UNC13B: variants seen among roughly 807,000 people sequenced by gnomAD.
The protein encoded by UNC13B is protein unc-13 homolog B.
In UNC13B, 144 loss-of-function variants were observed where a neutral mutation model predicts 211.0. The ratio of observed to expected loss-of-function variants is 0.68; its 90% confidence interval spans 0.60 to 0.78. UNC13B has a LOEUF of 0.78. Ranked by LOEUF, UNC13B falls within the 30% of genes least tolerant of loss-of-function variation. UNC13B has a pLI of 0.00. For synonymous variants in UNC13B, 709 were observed against 725.8 expected (o/e 0.98, Z 0.37); for missense variants, 1,777 against 2,002.0 (o/e 0.89, Z 2.14).
At chr9:35,377,895 A>G (rs1051356910) in intron 16 of UNC13B, among the ~76,000 whole-genome samples, 200 bp downstream of exon 16, 2 of 152,144 alleles carry the variant, frequency 1.3e-5, no homozygotes, top group Non-Finnish European at 2.9e-5. Flanking sequence ...TCTGCAAACA[A>G]CATGAACCAT....
chr9:35,292,248 T>C (rs979959429), intron 7 of UNC13B, among the ~76,000 whole-genome samples: 1 of 152,314 alleles, frequency 6.6e-6, no homozygotes, highest in Non-Finnish European at 1.5e-5. Context: ...TTTCACTGGA[T>C]TTTGTTTGAG....
At chr9:35,347,850 T>C (rs946754993) in intron 11 of UNC13B, among the ~76,000 whole-genome samples, 4 of 152,172 alleles carry the variant, frequency 2.6e-5, no homozygotes, top group Admixed American at 1.3e-4. Flanking sequence ...CCAGTGGCTA[T>C]GCCATTTGCC....
intron 1 of UNC13B, among the ~76,000 whole-genome samples, chr9:35,226,315 G>A (rs1824837599): frequency 1.3e-5 from 2 of 152,144 alleles, no homozygotes; most frequent in Admixed American, 1.3e-4. Flanking sequence ...GAAAGAACCT[G>A]TATTAGTCAA....
chr9:35,291,733 A>G (rs1260277221), intron 7 of UNC13B, among the ~76,000 whole-genome samples: 1 of 152,152 alleles, frequency 6.6e-6, no homozygotes, highest in East Asian at 1.9e-4. Context: ...ATGTAGCCCT[A>G]GGCTGACATT....
Position 35,318,549 on chromosome 9 carries a change from C to T in UNC13B, c.9414+4560C>T, listed in dbSNP as rs1489942969. Among the ~76,000 whole-genome samples, 3 of 152,296 alleles carry T rather than the reference C, an allele frequency of 2.0e-5. No homozygotes were observed. In the East Asian group the frequency reaches 5.8e-4, roughly 29 times the overall value. On this transcript the variant is annotated intron_variant, in intron 11 of 39. Coordinates refer to ENST00000635942, the MANE Select transcript of UNC13B (RefSeq NM_001371189.2). ...TTTATACAAAAGATGGTATATTATA[C>T]ATACCAAGCATTTCTTGATTTTGTA... is the stretch of plus-strand genomic sequence containing the variant.
In UNC13B at chr9:35,404,047, C is replaced by T. The variant is rs763797244; in HGVS notation, c.*14C>T. 7 of 1,605,492 alleles carry T rather than the reference C, an allele frequency of 4.4e-6. No homozygotes were observed. The Admixed American group carries it at 1.2e-4, about 27-fold the overall frequency. The stretch of plus-strand genomic sequence containing the variant: ...GAGGGGAGCTGAACACCTTCGACTC[C>T]TGTGCCAATCAGGCAGCAGCAATTT... On this transcript the variant is annotated 3_prime_UTR_variant, in exon 40 of 40. Coordinates refer to ENST00000635942, the MANE Select transcript of UNC13B (RefSeq NM_001371189.2).
At chr9:35,349,885 T>C (rs996743577) in intron 11 of UNC13B, among the ~76,000 whole-genome samples, 3 of 152,328 alleles carry the variant, frequency 2.0e-5, no homozygotes, top group Admixed American at 6.5e-5. Context: ...ATGAGAGCAG[T>C]CTGCCTGTGT....
chr9:35,354,320 G>T (rs947362196), intron 11 of UNC13B, among the ~76,000 whole-genome samples: 4 of 152,276 alleles, frequency 2.6e-5, no homozygotes, highest in African/African-American at 9.6e-5. Flanking sequence ...AGCTGATGGG[G>T]CTTCTCTCAT....
At chr9:35,232,176 G>GTTTTTTTTTTTTT (rs1564081816) in intron 3 of UNC13B, among the ~76,000 whole-genome samples, 1 of 16,974 alleles carries the variant, frequency 5.9e-5, no homozygotes. Flanking sequence ...GTATATTGCT[G>GTTTTTTTTTTTTT]CTTTTTTTTT....
At chr9:35,400,472 C>T (rs1327207764) in intron 37 of UNC13B, 29 bp downstream of exon 37, 2 of 1,603,258 alleles carry the variant, frequency 1.2e-6, no homozygotes, top group Admixed American at 1.7e-5. Context: ...TGGGTATCCA[C>T]CTCTCCTCTC....
intron 12 of UNC13B, among the ~76,000 whole-genome samples, chr9:35,367,684 T>C (rs956103064): frequency 8.5e-5 from 13 of 152,216 alleles, no homozygotes; most frequent in Admixed American, 6.5e-5. Context: ...AGTCATCTAC[T>C]TATTCCATTC....
intron 11 of UNC13B, among the ~76,000 whole-genome samples, chr9:35,337,714 G>A (rs538363072): frequency 6.6e-6 from 1 of 152,220 alleles, no homozygotes; most frequent in Non-Finnish European, 1.5e-5. Flanking sequence ...TTCATTGAAT[G>A]TGAAGACACT....
chr9:35,210,186 G>A (rs80279878), intron 1 of UNC13B, among the ~76,000 whole-genome samples: 4,433 of 152,130 alleles, frequency 0.029, 88 homozygotes, highest in Middle Eastern at 0.051. Context: ...TATTTTGAGC[G>A]ATTGATTTCT....
intron 1 of UNC13B, among the ~76,000 whole-genome samples, chr9:35,172,366 T>C (rs1451267994): frequency 6.6e-6 from 1 of 152,198 alleles, no homozygotes; most frequent in Non-Finnish European, 1.5e-5. Flanking sequence ...ACAATAGATT[T>C]TCATTAACTG....
chr9:35,281,006 T>C (rs1426375717), intron 7 of UNC13B, among the ~76,000 whole-genome samples: 2 of 152,094 alleles, frequency 1.3e-5, no homozygotes, highest in Admixed American at 6.5e-5. Context: ...ATAGGTTTCA[T>C]TGGGAGGCTG....
At chr9:35,205,472 A>G (rs1177339993) in intron 1 of UNC13B, among the ~76,000 whole-genome samples, 2 of 152,226 alleles carry the variant, frequency 1.3e-5, no homozygotes, top group Non-Finnish European at 2.9e-5. Context: ...TGTCACCACA[A>G]TAAATTTTAG....
intron 5 of UNC13B, among the ~76,000 whole-genome samples, chr9:35,239,401 G>A (rs1825688592): frequency 6.6e-6 from 1 of 152,180 alleles, no homozygotes; most frequent in Admixed American, 6.5e-5. Flanking sequence ...AGAGGAGGGA[G>A]TGTACGAATA....
At position 35,399,424 on chromosome 9, in the gene UNC13B, G is replaced by A. The variant is rs760893265; in HGVS notation, c.12231G>A (p.Glu4077=). 2.5e-6 allele frequency: 4 copies of A among 1,614,158 alleles called. No individual in the cohort carries two copies. Among genetic ancestry groups the A allele is most frequent in the Non-Finnish European group, 2.5e-6 (3 of 1,180,030 alleles). The part of the protein sequence containing the change: ...GTQLIFTAAK[E]LSHLSKLKDH... ...AGCTGATCTTCACTGCTGCCAAGGA[G>A]CTGAGCCATCTTTCCAAACTCAAGG... Residue 4077 remains glutamate (E), a synonymous_variant, in exon 35 of 40, where the codon GAG becomes GAA. Transcript: ENST00000635942.
At position 35,386,017 on chromosome 9, in the gene UNC13B, C is replaced by G. The variant is rs1835164646; in HGVS notation, c.10966-148C>G. 5.6e-6 allele frequency: 8 copies of G among 1,440,780 alleles called. No homozygotes were observed. The South Asian group carries it at 9.6e-5, about 17-fold the overall frequency. The allele number at this position is 1,440,780 out of a possible 1,614,324, so 89.2% of individuals were successfully genotyped here. A position where few individuals can be genotyped will look rare whatever the true frequency, so the allele number is the denominator to read the frequency against. The stretch of plus-strand genomic sequence containing the variant: ...AGGATGGGGTGGAAGTTTTCCCTGT[C>G]AACTATCCTGGCAATTTCATCACAG... On this transcript the variant is annotated intron_variant, in intron 23 of 39. Transcript: ENST00000635942.
Sources: allele counts gnomAD v4.1 joint callset (sites outside exome capture counted in the v4.1 genomes callset), GRCh38; gene constraint gnomAD v4.1.1; transcripts MANE v1.5; gene names NCBI Gene and HGNC (gene_info 2026-07-23, HGNC 2026-07-21).